The following EVC2 variants were observed in gnomAD, a reference collection of about 807,000 sequenced individuals.
EVC2 encodes EvC ciliary complex subunit 2, also known as limbin.
Under a neutral mutation model 149.3 loss-of-function variants are expected in EVC2, and 148 were observed. That is an observed-to-expected ratio of 0.99 (90% CI 0.87 to 1.14). The LOEUF (loss-of-function observed/expected upper bound fraction) is 1.14. EVC2 is among the 50% of genes most tolerant of loss of function. The pLI is 0.00. For missense variants in EVC2, 1,854 were observed against 1,627.3 expected, an observed-to-expected ratio of 1.14 and a Z score of -2.40; for synonymous variants, 776 against 649.9, an observed-to-expected ratio of 1.19 and a Z score of -2.95.
the EVC2 span, among the ~76,000 whole-genome samples, chr4:5,537,186 G>C: frequency 6.6e-6 from 1 of 152,214 alleles, no homozygotes; most frequent in African/African-American, 2.4e-5. Context: ...AGGCACTGCT[G>C]CAGGGAAGGG....
At chr4:5,547,150 G>T (rs139444657) in intron 21 of EVC2, among the ~76,000 whole-genome samples, 1 of 152,230 alleles carries the variant, frequency 6.6e-6, no homozygotes, top group African/African-American at 2.4e-5. Context: ...TGCCTGCTCC[G>T]ATCTCAGAGC....
At chr4:5,705,473 T>G (rs1016311454) in intron 1 of EVC2, among the ~76,000 whole-genome samples, 1 of 152,226 alleles carries the variant, frequency 6.6e-6, no homozygotes, top group Non-Finnish European at 1.5e-5. Flanking sequence ...GGTGAGAATA[T>G]TTTAAAGTGT....
intron 16 of EVC2, 127 bp downstream of exon 16, chr4:5,615,295 G>A: frequency 6.8e-7 from 1 of 1,474,300 alleles, no homozygotes. Flanking sequence ...GCACCTGAGT[G>A]AGTGAGCGGT....
At chr4:5,626,132 T>C (rs187843370) in intron 12 of EVC2, among the ~76,000 whole-genome samples, 1 of 152,220 alleles carries the variant, frequency 6.6e-6, no homozygotes, top group Admixed American at 6.5e-5. Flanking sequence ...GGGTGGAAGT[T>C]GGCAAGAGTT....
At chr4:5,656,987 C>T (rs1035980627) in intron 9 of EVC2, among the ~76,000 whole-genome samples, 13 of 152,172 alleles carry the variant, frequency 8.5e-5, no homozygotes, top group South Asian at 2.1e-4. Flanking sequence ...GTCACCAACA[C>T]GGTAAGTGGC....
chr4:5,587,525 CG>C (rs1377971187), intron 16 of EVC2, among the ~76,000 whole-genome samples: 3 of 152,184 alleles, frequency 2.0e-5, no homozygotes, highest in Non-Finnish European at 2.9e-5. Flanking sequence ...GAGAATCTAA[CG>C]TAAGTACCCA....
In EVC2 at chr4:5,696,947, C is replaced by A. The variant is rs1163256456; in HGVS notation, c.283+646G>T. 6.6e-6 allele frequency among the ~76,000 whole-genome samples: 1 copy of A among 152,142 alleles called. No homozygotes were observed. The highest frequency in any genetic ancestry group is 2.4e-5 in the African/African-American group (1 of 41,416). On this transcript the variant is annotated intron_variant, in intron 2 of 21. Transcript: ENST00000344408. The surrounding 1 kb of genome is among the most constrained non-coding windows in gnomAD (Gnocchi z 4.1). ...AGATGGGGAGATTGCCTGGATTATC[C>A]TGGTGGGCCCTAAATGTCATCACAG...
Position 5,633,863 on chromosome 4 carries a change from C to A in EVC2, c.1471-1831G>T, listed in dbSNP as rs555341787. On this transcript the variant is annotated intron_variant, in intron 10 of 21. Transcript: ENST00000344408. The surrounding 1 kb of genome is among the most constrained non-coding windows in gnomAD (Gnocchi z 4.4). ...TCCCAAGTCACAGACCTGCTCACCT[C>A]CACTTCCAATAACTCACAGAAGCTC... Among the ~76,000 whole-genome samples, 1 of 152,376 alleles carries A rather than the reference C, an allele frequency of 6.6e-6. No individual in the cohort carries two copies. The highest frequency in any genetic ancestry group is 6.5e-5 in the Admixed American group (1 of 15,312).
intron 19 of EVC2, among the ~76,000 whole-genome samples, chr4:5,573,877 T>C (rs1388498536): frequency 2.0e-5 from 3 of 152,136 alleles, no homozygotes; most frequent in Admixed American, 6.5e-5. Flanking sequence ...AGCTCTCAGG[T>C]TGCGAGGGAA....
At position 5,667,426 on chromosome 4, in the gene EVC2, A is replaced by G. The variant is rs768273443; in HGVS notation, c.871-1777T>C. 9.8e-4 allele frequency among the ~76,000 whole-genome samples: 149 copies of G among 152,140 alleles called. 1 individual carries two copies. Among genetic ancestry groups the G allele is most frequent in the Non-Finnish European group, 6.2e-4 (42 of 68,022 alleles). ...AAGGCAAATTTGATAGATGAAAATC[A>G]CCCAGACTGCTGAGGGTTTGTCAAC... On this transcript the variant is annotated intron_variant, in intron 7 of 21. Coordinates refer to ENST00000344408, the MANE Select transcript of EVC2 (RefSeq NM_147127.5).
At chr4:5,708,155 G>T in intron 1 of EVC2, 131 bp downstream of exon 1, 1 of 773,684 alleles carries the variant, frequency 1.3e-6, no homozygotes, top group Non-Finnish European at 1.9e-6. Flanking sequence ...GGGCCGCGAA[G>T]CACCCTATTC....
intron 16 of EVC2, among the ~76,000 whole-genome samples, chr4:5,594,238 C>G (rs1462670742): frequency 6.6e-6 from 1 of 152,216 alleles, no homozygotes; most frequent in Non-Finnish European, 1.5e-5. Context: ...CAGCACGCAG[C>G]TGGAGATCTG....
chr4:5,674,872 T>C (rs1478385778), intron 7 of EVC2, among the ~76,000 whole-genome samples: 9 of 152,098 alleles, frequency 5.9e-5, no homozygotes, highest in African/African-American at 2.2e-4. Flanking sequence ...GATAGGATGC[T>C]GGGGCAGTAA....
the EVC2 span, among the ~76,000 whole-genome samples, chr4:5,535,623 G>GAC: frequency 6.6e-6 from 1 of 151,128 alleles, no homozygotes; most frequent in Non-Finnish European, 1.5e-5. This position sits in a 1 kb window ranked among gnomAD's most constrained non-coding sequence, Gnocchi z 4.7. Flanking sequence ...GAGAGAGAGA[G>GAC]AGAGAGAGAG....
chr4:5,584,602 C>G (rs756386636), intron 17 of EVC2, 21 bp downstream of exon 17: 1 of 1,608,426 alleles, frequency 6.2e-7, no homozygotes, highest in Admixed American at 1.7e-5. Flanking sequence ...TCCCCCTCTC[C>G]TTCCCAGCGC....
rs1234204233 is a variant in EVC2, at chr4:5,677,825, C to G, written c.870+3435G>C. Among the ~76,000 whole-genome samples the G allele has an allele frequency of 1.3e-5, 2 of 152,240 alleles. No homozygotes were observed. The highest frequency in any genetic ancestry group is 6.5e-5 in the Admixed American group (1 of 15,286). ...CATGGCCTCACCCGCCAGGAGCTCACAGACCACCAGAAGACTGGTTACCAG... is the reference window on the plus strand; with the variant it reads ...CATGGCCTCACCCGCCAGGAGCTCAGAGACCACCAGAAGACTGGTTACCAG... On this transcript the variant is annotated intron_variant, in intron 7 of 21. Transcript: ENST00000344408. This position sits in a 1 kb window ranked among gnomAD's most constrained non-coding sequence, Gnocchi z 4.3.
At position 5,586,524 on chromosome 4, in the gene EVC2, T is replaced by G. The variant is rs28591376; in HGVS notation, c.2830-1674A>C. Among the ~76,000 whole-genome samples the G allele has an allele frequency of 2.7e-3, 410 of 152,288 alleles. 1 individual carries two copies. The highest frequency in any genetic ancestry group is 9.4e-3 in the African/African-American group (392 of 41,554). Reference sequence around the variant, plus strand: ...GAGCTGAACATGCCTCCTTATACCCTCCTTCCTTTTGGAATTTCAGATAGA... The same window carrying G: ...GAGCTGAACATGCCTCCTTATACCCGCCTTCCTTTTGGAATTTCAGATAGA... On this transcript the variant is annotated intron_variant, in intron 16 of 21. Coordinates refer to ENST00000344408, the MANE Select transcript of EVC2 (RefSeq NM_147127.5).
At chr4:5,630,801 G>C (rs190293253) in intron 11 of EVC2, among the ~76,000 whole-genome samples, 2 of 152,170 alleles carry the variant, frequency 1.3e-5, no homozygotes, top group Admixed American at 6.5e-5. Context: ...GAGGCAGCCT[G>C]TCTAAAGAAT....
intron 1 of EVC2, among the ~76,000 whole-genome samples, chr4:5,706,449 C>CATAGATAGATAGATAGATAG (rs1560243887): frequency 8.3e-5 from 3 of 35,972 alleles, no homozygotes; most frequent in Admixed American, 2.7e-4. Context: ...TAGATAGATA[C>CATAGATAGATAGATAGATAG]ATACATACAT....
Sources: gnomAD v4.1 joint callset for allele counts (sites outside exome capture counted in the v4.1 genomes callset) on GRCh38, gnomAD v4.1.1 for gene constraint, Gnocchi (gnomAD v3.1) non-coding constraint, MANE v1.5 for transcripts, NCBI Gene and HGNC (gene_info 2026-07-23, HGNC 2026-07-21) for gene names.